Variants in ANGPT4 observed in about 807,000 individuals in gnomAD.
The protein encoded by ANGPT4 is angiopoietin 4, also known as angiopoietin-4.
In ANGPT4, 50 loss-of-function variants were observed where a neutral mutation model predicts 53.0. That is an observed-to-expected ratio of 0.94 (90% CI 0.75 to 1.20). ANGPT4 has a LOEUF of 1.20. Ranked by LOEUF, ANGPT4 falls within the 50% of genes most tolerant of loss-of-function variation. The pLI, the probability that ANGPT4 is intolerant of heterozygous loss-of-function variation, is 0.00. For missense variants in ANGPT4, 648 were observed against 637.1 expected (o/e 1.02, Z -0.18); for synonymous variants, 251 against 259.7 (o/e 0.97, Z 0.32).
intron 1 of ANGPT4, among the ~76,000 whole-genome samples, chr20:913,859 G>T (rs1419501680): frequency 6.6e-6 from 1 of 152,228 alleles, no homozygotes; most frequent in African/African-American, 2.4e-5. Flanking sequence ...CTGTGGCTGG[G>T]TGGTGGTGTC....
rs1388322959 is a variant in ANGPT4 at position 870,793 on chromosome 20, G to A, written c.*2167C>T. On this transcript the variant is annotated 3_prime_UTR_variant, in exon 9 of 9. Coordinates refer to ENST00000381922, the MANE Select transcript of ANGPT4 (RefSeq NM_015985.4). ...GCAGGAGAAGGGGCGGCATGTGCTG[G>A]GGAATGCCTTCCTCACCCCATTCTC... 1 of 152,174 alleles carries A rather than the reference G, an allele frequency of 6.6e-6. No homozygotes were observed. The highest frequency in any genetic ancestry group is 2.4e-5 in the African/African-American group (1 of 41,420). 9.4% of individuals were successfully genotyped at this position (152,174 alleles called of 1,614,324 possible).
chr20:900,465 T>G (rs951699073), intron 1 of ANGPT4, among the ~76,000 whole-genome samples: 2 of 152,186 alleles, frequency 1.3e-5, no homozygotes, highest in South Asian at 2.1e-4. Context: ...AGGTCTCTTC[T>G]TCCTCTGTGG....
chr20:913,482 A>C (rs6055803), intron 1 of ANGPT4, among the ~76,000 whole-genome samples: 76,851 of 152,014 alleles, frequency 0.51, 19,501 homozygotes, highest in East Asian at 0.56. Context: ...ACGGCACTCT[A>C]CGGTGACCTG....
At chr20:901,685 G>T (rs1386192086) in intron 1 of ANGPT4, among the ~76,000 whole-genome samples, 1 of 152,218 alleles carries the variant, frequency 6.6e-6, no homozygotes, top group East Asian at 1.9e-4. Context: ...GGCCAAGGTG[G>T]GTGGATCGCT....
At chr20:874,201 G>A (rs1031021192) in intron 8 of ANGPT4, 83 bp downstream of exon 8, 34 of 1,572,426 alleles carry the variant, frequency 2.2e-5, no homozygotes, top group Middle Eastern at 1.7e-4. Context: ...GCACCTGGGC[G>A]CACAAGAACC....
In ANGPT4 at chr20:870,740, A is replaced by G. The variant is rs1980908802; in HGVS notation, c.*2220T>C. On this transcript the variant is annotated 3_prime_UTR_variant, in exon 9 of 9. Coordinates refer to ENST00000381922, the MANE Select transcript of ANGPT4 (RefSeq NM_015985.4). The stretch of plus-strand genomic sequence containing the variant: ...AGAAAAATAAATGATGTGGATACAA[A>G]AATAAAATGCCTTTTCCTCACCTGA... The G allele has an allele frequency of 6.6e-6, 1 of 152,212 alleles. No homozygotes were observed. The highest frequency in any genetic ancestry group is 2.1e-4 in the South Asian group (1 of 4,830). 9.4% of individuals were successfully genotyped at this position (152,212 alleles called of 1,614,324 possible).
At chr20:891,172 A>G (rs908320538) in intron 1 of ANGPT4, among the ~76,000 whole-genome samples, 1 of 152,200 alleles carries the variant, frequency 6.6e-6, no homozygotes, top group Non-Finnish European at 1.5e-5. Flanking sequence ...ACAGCGCCCA[A>G]TCACATGCCC....
intron 1 of ANGPT4, among the ~76,000 whole-genome samples, chr20:903,770 G>T (rs951511302): frequency 6.6e-6 from 1 of 152,222 alleles, no homozygotes; most frequent in Admixed American, 6.5e-5. Flanking sequence ...GGGTGGTGCA[G>T]GGTGTGGAGA....
At chr20:896,614 A>G (rs1278838172) in intron 1 of ANGPT4, among the ~76,000 whole-genome samples, 1 of 152,222 alleles carries the variant, frequency 6.6e-6, no homozygotes, top group Non-Finnish European at 1.5e-5. Context: ...TGGGAAATGC[A>G]TCTTGTCAAC....
chr20:878,011 C>T (rs765744935), intron 7 of ANGPT4, 150 bp downstream of exon 7: 393 of 842,274 alleles, frequency 4.7e-4, no homozygotes, highest in Non-Finnish European at 5.8e-4. Context: ...GATCCCATGA[C>T]GTGCACCCAA....
chr20:891,059 C>T (rs1245783711), intron 1 of ANGPT4, among the ~76,000 whole-genome samples: 1 of 152,222 alleles, frequency 6.6e-6, no homozygotes, highest in Non-Finnish European at 1.5e-5. Flanking sequence ...GTTTTGCTCA[C>T]TGCCTTGTTT....
rs1980969653 is a variant in ANGPT4 at position 872,264 on chromosome 20, A to T, written c.*696T>A. The T allele has an allele frequency of 6.6e-6, 1 of 152,162 alleles. No homozygotes were observed. Among genetic ancestry groups the T allele is most frequent in the Admixed American group, 6.5e-5 (1 of 15,274 alleles). The allele number at this position is 152,162 out of a possible 1,614,324, so 9.4% of individuals were successfully genotyped here. On this transcript the variant is annotated 3_prime_UTR_variant, in exon 9 of 9. Transcript: ENST00000381922. ...TATTCCCTGTGACACATCCTCTAGG[A>T]CATGCTGGAGGTGAAGGAGCATGTC... is the stretch of plus-strand genomic sequence containing the variant.
intron 1 of ANGPT4, among the ~76,000 whole-genome samples, chr20:898,188 C>T (rs898330783): frequency 8.5e-5 from 13 of 152,296 alleles, no homozygotes; most frequent in South Asian, 4.1e-4. Flanking sequence ...TCCTCCCTGA[C>T]GCTGCTCCTC....
In ANGPT4 at chr20:914,488, G is replaced by A. The variant is rs1982841953; in HGVS notation, c.309+1418C>T. 6.6e-6 allele frequency among the ~76,000 whole-genome samples: 1 copy of A among 152,064 alleles called. No homozygotes were observed. The highest frequency in any genetic ancestry group is 1.5e-5 in the Non-Finnish European group (1 of 68,022). On this transcript the variant is annotated intron_variant, in intron 1 of 8. Coordinates refer to ENST00000381922, the MANE Select transcript of ANGPT4 (RefSeq NM_015985.4). This position sits in a 1 kb window ranked among gnomAD's most constrained non-coding sequence, Gnocchi z 5.0. Reference sequence around the variant, plus strand: ...GGGAGGAGGGAGAGGATGTAACTTAGGTTTTGATGGGGATTCTTTGGTCTG... The same window carrying A: ...GGGAGGAGGGAGAGGATGTAACTTAAGTTTTGATGGGGATTCTTTGGTCTG...
chr20:909,461 T>C (rs1200217879), intron 1 of ANGPT4, among the ~76,000 whole-genome samples: 2 of 152,154 alleles, frequency 1.3e-5, no homozygotes, highest in African/African-American at 2.4e-5. Flanking sequence ...CAGCTAATAA[T>C]CTCACAGATG....
chr20:896,134 T>G lies in ANGPT4; in HGVS notation c.310-5766A>C, dbSNP rs116336078. Among the ~76,000 whole-genome samples the G allele has an allele frequency of 7.8e-3, 1,189 of 152,280 alleles. 18 individuals carry two copies. Among genetic ancestry groups the G allele is most frequent in the African/African-American group, 0.027 (1,124 of 41,564 alleles). ...CATATGTAACATTAAATAGATCTCC[T>G]CCAGTGAACCCCCTCACCCTCTCTG... On this transcript the variant is annotated intron_variant, in intron 1 of 8. Transcript: ENST00000381922.
chr20:906,605 C>T (rs971776058), intron 1 of ANGPT4, among the ~76,000 whole-genome samples: 8 of 152,212 alleles, frequency 5.3e-5, no homozygotes, highest in African/African-American at 1.7e-4. Context: ...TCTGCCATCC[C>T]CAGGCCTCAG....
At position 881,258 on chromosome 20, in the gene ANGPT4, G is replaced by A. The variant is rs1776795010; in HGVS notation, c.864C>T (p.Phe288=). The change falls in exon 5 of 9, where the codon TTC becomes TTT. Residue 288 remains phenylalanine (F), a synonymous_variant. Transcript: ENST00000381922. ...PAFIMAGEQV[F]QDCAEIQRSG... ...AGCGCTGGATCTCTGCACAGTCCTG[G>A]AACACCTGCTCACCTGCCATTATGA... The A allele has an allele frequency of 1.9e-6, 3 of 1,614,198 alleles. No individual in the cohort carries two copies. Among genetic ancestry groups the A allele is most frequent in the Non-Finnish European group, 2.5e-6 (3 of 1,180,040 alleles).
rs1471968658 is a variant in ANGPT4 at position 870,307 on chromosome 20, T to A, written c.*2653A>T. On this transcript the variant is annotated 3_prime_UTR_variant, in exon 9 of 9. Coordinates refer to ENST00000381922, the MANE Select transcript of ANGPT4 (RefSeq NM_015985.4). The stretch of plus-strand genomic sequence containing the variant: ...ACTTTGGGAGGCTGAGGCAGGTGGA[T>A]CACATGAGGCCAGGAGTTTGAGACC... 1 of 152,134 alleles carries A rather than the reference T, an allele frequency of 6.6e-6. No homozygotes were observed. The highest frequency in any genetic ancestry group is 1.5e-5 in the Non-Finnish European group (1 of 68,024). The allele number at this position is 152,134 out of a possible 1,614,324, so 9.4% of individuals were successfully genotyped here.
Sources: gnomAD v4.1 joint callset for allele counts (sites outside exome capture counted in the v4.1 genomes callset) on GRCh38, gnomAD v4.1.1 for gene constraint, Gnocchi (gnomAD v3.1) non-coding constraint, MANE v1.5 for transcripts, NCBI Gene and HGNC (gene_info 2026-07-23, HGNC 2026-07-21) for gene names.